PDCD6IP: variants seen among roughly 807,000 people sequenced by gnomAD.
PDCD6IP encodes programmed cell death 6 interacting protein, also known as programmed cell death 6-interacting protein.
PDCD6IP carries 43 observed loss-of-function variants against 103.7 expected under a neutral mutation model. The ratio of observed to expected loss-of-function variants is 0.41; its 90% CI spans 0.32 to 0.53. PDCD6IP has a LOEUF of 0.53. Ranked by LOEUF, PDCD6IP falls within the 20% of genes least tolerant of loss-of-function variation. The probability of loss-of-function intolerance (pLI) is 0.16; values close to 1 mark genes in which losing one functional copy is unlikely to be tolerated. For missense variants in PDCD6IP, 871 were observed against 1,036.7 expected, an observed-to-expected ratio of 0.84 and a Z score of 2.20; for synonymous variants, 354 against 378.7, an observed-to-expected ratio of 0.93 and a Z score of 0.76.
intron 8 of PDCD6IP, among the ~76,000 whole-genome samples, chr3:33,837,203 AGCC>A: frequency 6.6e-6 from 1 of 152,230 alleles, no homozygotes; most frequent in African/African-American, 2.4e-5. Context: ...TACAGGCATG[AGCC>A]ACCGTGCCCG....
chr3:33,854,784 CTT>C (rs2125446878), intron 14 of PDCD6IP: 1 of 154,074 alleles, frequency 6.5e-6, no homozygotes, highest in Admixed American at 6.5e-5. Flanking sequence ...TTTAGAAATT[CTT>C]TTAAGGGTTT....
At chr3:33,861,446 T>C (rs888060620) in intron 15 of PDCD6IP, among the ~76,000 whole-genome samples, 2 of 152,186 alleles carry the variant, frequency 1.3e-5, no homozygotes, top group African/African-American at 4.8e-5. Flanking sequence ...CGGCTTAATA[T>C]GTATTTTATA....
intron 15 of PDCD6IP, 149 bp downstream of exon 15, chr3:33,855,409 C>A: frequency 4.0e-6 from 2 of 495,852 alleles, no homozygotes; most frequent in South Asian, 6.1e-5. Context: ...TACAAAGCAA[C>A]AAGTAAACAG....
intron 17 of PDCD6IP, among the ~76,000 whole-genome samples, chr3:33,866,093 C>T (rs183672118): frequency 1.3e-4 from 19 of 151,960 alleles, no homozygotes; most frequent in Middle Eastern, 3.4e-3. Flanking sequence ...CTTTAATACT[C>T]GAATATTTAA....
intron 12 of PDCD6IP, among the ~76,000 whole-genome samples, chr3:33,848,718 T>G (rs1180244287): frequency 3.9e-5 from 6 of 152,212 alleles, no homozygotes; most frequent in Non-Finnish European, 8.8e-5. Flanking sequence ...AGGGCATTTC[T>G]TGTCTCATAT....
At chr3:33,807,551 G>A (rs1192456214) in intron 1 of PDCD6IP, among the ~76,000 whole-genome samples, 2 of 145,436 alleles carry the variant, frequency 1.4e-5, no homozygotes, top group East Asian at 2.3e-4. Context: ...TCTCACCTAC[G>A]GCCCCCTGGG....
chr3:33,829,690 T>C (rs928397356), intron 7 of PDCD6IP, among the ~76,000 whole-genome samples: 1 of 152,166 alleles, frequency 6.6e-6, no homozygotes, highest in Non-Finnish European at 1.5e-5. Context: ...AGATGACTTA[T>C]GGCATTTGAG....
At chr3:33,854,158 T>G in intron 14 of PDCD6IP, 145 bp downstream of exon 14, 1 of 819,392 alleles carries the variant, frequency 1.2e-6, no homozygotes. Context: ...CGAAGTTTGT[T>G]ATAGGAGGGA....
chr3:33,814,231 G>A (rs1246451711), intron 3 of PDCD6IP, among the ~76,000 whole-genome samples: 1 of 149,818 alleles, frequency 6.7e-6, no homozygotes, highest in Non-Finnish European at 1.5e-5. Context: ...TGCAACCTCT[G>A]CCTACTGGGT....
chr3:33,812,638 AT>A (rs1696745617), intron 2 of PDCD6IP, among the ~76,000 whole-genome samples: 1 of 152,242 alleles, frequency 6.6e-6, no homozygotes, highest in Non-Finnish European at 1.5e-5. Context: ...TTGGATAAAG[AT>A]TTTAAAATTA....
intron 12 of PDCD6IP, among the ~76,000 whole-genome samples, chr3:33,850,156 A>T (rs1467268410): frequency 6.6e-6 from 1 of 152,220 alleles, no homozygotes; most frequent in Non-Finnish European, 1.5e-5. Flanking sequence ...AGGTACTATT[A>T]TGCCCATTTT....
intron 3 of PDCD6IP, 85 bp from the exon 4 acceptor site, chr3:33,821,870 G>C: frequency 7.8e-7 from 1 of 1,286,470 alleles, no homozygotes; most frequent in Non-Finnish European, 1.1e-6. Flanking sequence ...AGCGGGATGA[G>C]AGAGGTCATA....
At chr3:33,863,348 A>G (rs572201980) in intron 15 of PDCD6IP, among the ~76,000 whole-genome samples, 23 of 152,310 alleles carry the variant, frequency 1.5e-4, no homozygotes, top group Admixed American at 3.9e-4. Flanking sequence ...TCATCACCCT[A>G]TGCTGCTATT....
At chr3:33,852,814 T>G in intron 13 of PDCD6IP, 78 bp downstream of exon 13, 4 of 1,433,990 alleles carry the variant, frequency 2.8e-6, no homozygotes, top group Non-Finnish European at 3.7e-6. Flanking sequence ...CTATATTCAG[T>G]TAGGAAAATG....
At chr3:33,805,059 T>TA (rs1696562169) in intron 1 of PDCD6IP, among the ~76,000 whole-genome samples, 2 of 152,220 alleles carry the variant, frequency 1.3e-5, no homozygotes, top group African/African-American at 4.8e-5. Flanking sequence ...CCCCTTAAAT[T>TA]AAAAAATTCT....
chr3:33,814,685 AAT>A (rs1428115580), intron 3 of PDCD6IP, among the ~76,000 whole-genome samples: 2 of 145,270 alleles, frequency 1.4e-5, no homozygotes, highest in Non-Finnish European at 3.0e-5. Context: ...ATGTGTATAT[AAT>A]GTGTATTATA....
intron 3 of PDCD6IP, among the ~76,000 whole-genome samples, chr3:33,820,284 A>G (rs979002832): frequency 0.057 from 10 of 174 alleles, no homozygotes; most frequent in African/African-American, 0.18. Context: ...CCCTGTCTCA[A>G]AAGAAAAAAA....
chr3:33,841,952 G>A lies in PDCD6IP; in HGVS notation c.1237G>A (p.Val413Ile), dbSNP rs1359488900. 5.7e-6 allele frequency: 9 copies of A among 1,579,830 alleles called. No homozygotes were observed. The highest frequency in any genetic ancestry group is 7.8e-6 in the Non-Finnish European group (9 of 1,149,736). The change falls in exon 10 of 18, where the codon GTA becomes ATA. Residue 413 changes from valine to isoleucine, a missense_variant. Physicochemically the swap from Val to Ile is conservative, Grantham distance 29. Transcript: ENST00000307296. ...AAIEDVSGDT[V>I]PQSILTKSRS... ...AATTGAAGATGTGTCTGGAGACACTGTACCTCAGTCTATATTGACTAAATC... is the reference window on the plus strand; with the variant it reads ...AATTGAAGATGTGTCTGGAGACACTATACCTCAGTCTATATTGACTAAATC...
At chr3:33,807,808 A>G (rs750408969) in intron 1 of PDCD6IP, among the ~76,000 whole-genome samples, 1 of 152,224 alleles carries the variant, frequency 6.6e-6, no homozygotes, top group Non-Finnish European at 1.5e-5. Flanking sequence ...AAGTAGTTAC[A>G]TACTTATTAT....
Sources: allele counts gnomAD v4.1 joint callset (sites outside exome capture counted in the v4.1 genomes callset), GRCh38; gene constraint gnomAD v4.1.1; transcripts MANE v1.5; gene names NCBI Gene and HGNC (gene_info 2026-07-23, HGNC 2026-07-21).